Variants in DNAH5 observed in about 807,000 individuals in gnomAD.
The protein encoded by DNAH5 is axonemal beta dynein heavy chain 5.
DNAH5 carries 372 observed loss-of-function variants against 518.2 expected under a neutral mutation model. The observed-to-expected ratio is 0.72, with a 90% CI of 0.66 to 0.78. The LOEUF is 0.78. DNAH5 is among the 30% of genes least tolerant of loss of function. DNAH5 has a pLI of 0.00. For synonymous variants in DNAH5, 2,039 were observed against 2,025.9 expected, an observed-to-expected ratio of 1.01 and a Z score of -0.17; for missense variants, 5,523 against 5,687.0, an observed-to-expected ratio of 0.97 and a Z score of 0.93.
chr5:13,761,376 G>A (rs1751748238), intron 60 of DNAH5, among the ~76,000 whole-genome samples: 1 of 152,112 alleles, frequency 6.6e-6, no homozygotes, highest in Admixed American at 6.5e-5. Context: ...GGCGGATCAC[G>A]AGGTCAGGAG....
chr5:13,792,859 C>T (rs113405313), intron 49 of DNAH5, among the ~76,000 whole-genome samples: 2,545 of 152,226 alleles, frequency 0.017, 38 homozygotes, highest in Middle Eastern at 0.044. Context: ...TCAATAGCAG[C>T]GTCAGAAATT....
At chr5:13,966,483 A>C (rs767724471) in intron 1 of DNAH5, among the ~76,000 whole-genome samples, 2 of 152,228 alleles carry the variant, frequency 1.3e-5, no homozygotes, top group Non-Finnish European at 2.9e-5. Flanking sequence ...TCCCACCAGC[A>C]GTGTAAAAGT....
At chr5:13,746,924 A>C (rs1243879690) in intron 65 of DNAH5, among the ~76,000 whole-genome samples, 1 of 152,060 alleles carries the variant, frequency 6.6e-6, no homozygotes, top group East Asian at 1.9e-4. Context: ...GTTCTAGGGT[A>C]CATGTGCACA....
intron 22 of DNAH5, among the ~76,000 whole-genome samples, chr5:13,874,567 G>C (rs936081090): frequency 1.3e-5 from 2 of 152,038 alleles, no homozygotes; most frequent in Non-Finnish European, 2.9e-5. Flanking sequence ...ACCCAGGCTA[G>C]AGTGCAGTGG....
chr5:13,907,966 G>A (rs906331055), intron 12 of DNAH5, among the ~76,000 whole-genome samples: 15 of 152,138 alleles, frequency 9.9e-5, no homozygotes, highest in African/African-American at 3.6e-4. Context: ...TTTGATTTCA[G>A]ATAATGTTAG....
rs1782614986 is a variant in DNAH5 at position 13,980,710 on chromosome 5, A to G, written c.12+30938T>C. Among the ~76,000 whole-genome samples the G allele has an allele frequency of 2.6e-5, 4 of 152,104 alleles. 1 individual carries two copies. In the South Asian group the frequency reaches 6.2e-4, roughly 24 times the overall value. ...TCTATCTTTCCCCTTCCACTTTCCC[A>G]CACAGAGACCAGAATTGTCCTTTGA... is the stretch of plus-strand genomic sequence containing the variant. On this transcript the variant is annotated intron_variant, in intron 1 of 78. Transcript: ENST00000681290.
chr5:13,713,434 C>CATAT (rs200836910), intron 75 of DNAH5, among the ~76,000 whole-genome samples: 4,223 of 70,514 alleles, frequency 0.06, 214 homozygotes, highest in Middle Eastern at 0.074. Context: ...TATACATCGA[C>CATAT]ATATATATAT....
At chr5:13,930,438 G>C (rs12659172) in intron 2 of DNAH5, among the ~76,000 whole-genome samples, 20 of 151,948 alleles carry the variant, frequency 1.3e-4, no homozygotes, top group Middle Eastern at 6.8e-3. Context: ...AATTCCCAAC[G>C]GTGTGGCACC....
At chr5:13,797,425 T>A (rs572579055) in intron 47 of DNAH5, among the ~76,000 whole-genome samples, 4 of 152,272 alleles carry the variant, frequency 2.6e-5, no homozygotes, top group African/African-American at 9.6e-5. Context: ...AAAGAAGACA[T>A]CTATGCAGCC....
chr5:13,737,650 C>T (rs923140537), intron 65 of DNAH5, among the ~76,000 whole-genome samples, 155 bp from the exon 66 acceptor site: 3 of 152,174 alleles, frequency 2.0e-5, no homozygotes, highest in East Asian at 3.9e-4. Flanking sequence ...AAGGGCCGGG[C>T]GCAGGGGCTC....
At chr5:13,771,039 T>A (rs1753270947) in intron 55 of DNAH5, 59 bp from the exon 56 acceptor site, 1 of 1,370,188 alleles carries the variant, frequency 7.3e-7, no homozygotes, top group South Asian at 1.2e-5. Flanking sequence ...CTTTTAAAAG[T>A]TAACTGTTTA....
intron 1 of DNAH5, among the ~76,000 whole-genome samples, chr5:13,975,984 A>G (rs375263431): frequency 6.6e-6 from 1 of 152,334 alleles, no homozygotes; most frequent in East Asian, 1.9e-4. Context: ...TGCATTAATC[A>G]TGCCACTGCA....
chr5:13,993,544 C>T (rs2591543), intron 1 of DNAH5, among the ~76,000 whole-genome samples: 110,444 of 152,194 alleles, frequency 0.73, 40,421 homozygotes, highest in East Asian at 0.97. Context: ...AAAGATCATA[C>T]GGTTAATATG....
intron 76 of DNAH5, among the ~76,000 whole-genome samples, chr5:13,704,306 C>T (rs1395631395): frequency 6.6e-6 from 1 of 152,126 alleles, no homozygotes; most frequent in Non-Finnish European, 1.5e-5. Flanking sequence ...CCCACACTCT[C>T]TTCTGCTCCC....
chr5:13,714,591 C>T lies in DNAH5; in HGVS notation c.12939G>A (p.Val4313=), dbSNP rs2126493778. 6.2e-7 allele frequency: 1 copy of T among 1,614,122 alleles called. No homozygotes were observed. The highest frequency in any genetic ancestry group is 1.3e-5 in the African/African-American group (1 of 75,052). ...TGTCAGCATTGGGGTGCAGCCCAAA[C>T]ACCTCAGGGCTGTCATAGGCAGGCA... ...QSLPAYDSPE[V]FGLHPNADIT... The change falls in exon 75 of 79, where the codon GTG becomes GTA. Residue 4313 remains valine, a synonymous_variant. Coordinates refer to ENST00000265104, the MANE Select transcript of DNAH5 (RefSeq NM_001369.3).
At chr5:13,912,600 C>G (rs1401708597) in intron 11 of DNAH5, among the ~76,000 whole-genome samples, 1 of 151,350 alleles carries the variant, frequency 6.6e-6, no homozygotes, top group Non-Finnish European at 1.5e-5. Context: ...CACATATATA[C>G]ATACACATGT....
chr5:13,870,555 C>G (rs754229265), intron 24 of DNAH5, among the ~76,000 whole-genome samples: 11 of 152,098 alleles, frequency 7.2e-5, no homozygotes, highest in Admixed American at 5.2e-4. Context: ...TTATCTCAGG[C>G]TCTGCTTTGA....
chr5:13,734,329 A>C (rs1361448321), intron 68 of DNAH5, among the ~76,000 whole-genome samples: 1 of 152,216 alleles, frequency 6.6e-6, no homozygotes, highest in African/African-American at 2.4e-5. Flanking sequence ...AGTCTATAGT[A>C]ATTTCTTATA....
chr5:13,985,430 A>AATATATACATATATAT (rs1395996357), intron 1 of DNAH5, among the ~76,000 whole-genome samples: 3 of 127,346 alleles, frequency 2.4e-5, no homozygotes, highest in African/African-American at 8.6e-5. Flanking sequence ...AGTATAATAA[A>AATATATACATATATAT]ATATATATAT....
Sources: gnomAD v4.1 joint callset for allele counts (sites outside exome capture counted in the v4.1 genomes callset) on GRCh38, gnomAD v4.1.1 for gene constraint, MANE v1.5 for transcripts, NCBI Gene and HGNC (gene_info 2026-07-23, HGNC 2026-07-21) for gene names.